Variants in CDH8 observed in about 807,000 individuals in gnomAD.
CDH8 encodes cadherin-8.
CDH8 carries 17 observed loss-of-function variants against 68.1 expected under a neutral mutation model. The observed-to-expected ratio is 0.25, with a 90% CI of 0.17 to 0.37. The LOEUF (loss-of-function observed/expected upper bound fraction) is 0.37, where lower values mean the gene tolerates loss of function less well. Among genes scored for constraint, CDH8 ranks in the 10% least tolerant of loss-of-function variants. CDH8 has a pLI of 1.00. For missense variants in CDH8, 763 were observed against 999.3 expected (o/e 0.76, Z 3.19); for synonymous variants, 372 against 365.1 (o/e 1.02, Z -0.21).
At position 61,901,489 on chromosome 16, in the gene CDH8, G is replaced by T. The variant is rs766078937; in HGVS notation, c.253-16C>A. 24 of 1,593,168 alleles carry T rather than the reference G, an allele frequency of 1.5e-5. No individual in the cohort carries two copies. The Admixed American group carries it at 4.0e-4, about 26-fold the overall frequency. The stretch of plus-strand genomic sequence containing the variant: ...CTGTGTGTAGCTGAAATGAAAAATG[G>T]CATTAGTTAGTGATGGAGCAATCTG... On this transcript the variant is annotated splice_polypyrimidine_tract_variant and intron_variant, in intron 2 of 11. Coordinates refer to ENST00000577390, the MANE Select transcript of CDH8 (RefSeq NM_001796.5).
intron 3 of CDH8, among the ~76,000 whole-genome samples, chr16:61,871,841 A>AAAAAAAAAAC: frequency 1.4e-5 from 2 of 147,252 alleles, no homozygotes; most frequent in Non-Finnish European, 1.5e-5. Flanking sequence ...AAAAAAAAAA[A>AAAAAAAAAAC]AAAAAACCCA....
intron 9 of CDH8, among the ~76,000 whole-genome samples, chr16:61,717,022 G>A (rs1055847614): frequency 2.6e-5 from 4 of 151,620 alleles, no homozygotes; most frequent in Non-Finnish European, 4.4e-5. Context: ...TGGAGACCAC[G>A]TAGGGTCCAC....
chr16:61,963,805 G>A (rs1965199367), intron 2 of CDH8, among the ~76,000 whole-genome samples: 2 of 152,110 alleles, frequency 1.3e-5, no homozygotes, highest in Admixed American at 1.3e-4. Flanking sequence ...TTCATTACTT[G>A]AGAATCTTCT....
intron 2 of CDH8, among the ~76,000 whole-genome samples, chr16:61,945,335 C>G (rs762932520): frequency 6.6e-6 from 1 of 150,638 alleles, no homozygotes; most frequent in African/African-American, 2.4e-5. Flanking sequence ...TCTTAAAAAA[C>G]GGTTATTACT....
chr16:61,836,865 C>A (rs764387369), intron 4 of CDH8, among the ~76,000 whole-genome samples: 1 of 151,972 alleles, frequency 6.6e-6, no homozygotes, highest in Non-Finnish European at 1.5e-5. Flanking sequence ...AAGTACTGAG[C>A]GGAGTTACAT....
chr16:61,697,744 G>C (rs1432924591), intron 10 of CDH8, among the ~76,000 whole-genome samples: 4 of 152,190 alleles, frequency 2.6e-5, no homozygotes, highest in African/African-American at 7.2e-5. Flanking sequence ...GCCCGCCTTA[G>C]CTTCTCAAAG....
At chr16:61,873,553 T>C (rs954108312) in intron 3 of CDH8, among the ~76,000 whole-genome samples, 3 of 152,226 alleles carry the variant, frequency 2.0e-5, no homozygotes, top group Non-Finnish European at 4.4e-5. Flanking sequence ...ATACAGACAG[T>C]CCCTGACTTA....
In CDH8 at chr16:62,032,928, T is replaced by G. The variant is rs76328808; in HGVS notation, c.-200+3152A>C. Among the ~76,000 whole-genome samples the G allele has an allele frequency of 3.0e-3, 463 of 152,332 alleles. 16 individuals are homozygous for G. The East Asian group carries it at 0.082, about 27-fold the overall frequency. On this transcript the variant is annotated intron_variant, in intron 1 of 11. Coordinates refer to ENST00000577390, the MANE Select transcript of CDH8 (RefSeq NM_001796.5). ...TCTGAACAGCTGTTGAAGTGTGGGT[T>G]TGAACTTTTTAATATGTGCATGTTC...
At chr16:61,670,390 A>C (rs1423394370) in intron 10 of CDH8, among the ~76,000 whole-genome samples, 2 of 152,094 alleles carry the variant, frequency 1.3e-5, no homozygotes, top group Non-Finnish European at 2.9e-5. Flanking sequence ...AATGAATATG[A>C]GAGGGTGAAT....
intron 9 of CDH8, among the ~76,000 whole-genome samples, chr16:61,719,118 T>C (rs1181265901): frequency 6.7e-6 from 1 of 148,368 alleles, no homozygotes; most frequent in East Asian, 2.0e-4. Context: ...ACATGTTTAA[T>C]GAGCTCACCA....
At chr16:61,844,768 C>T (rs1962768905) in intron 4 of CDH8, among the ~76,000 whole-genome samples, 1 of 152,102 alleles carries the variant, frequency 6.6e-6, no homozygotes, top group Non-Finnish European at 1.5e-5. Context: ...CTAACTATTA[C>T]AGGATAACTA....
intron 10 of CDH8, among the ~76,000 whole-genome samples, chr16:61,695,558 C>T (rs1473424540): frequency 6.6e-6 from 1 of 152,096 alleles, no homozygotes; most frequent in Non-Finnish European, 1.5e-5. Flanking sequence ...GGATGTTTAC[C>T]TGGTCTCTAA....
intron 8 of CDH8, among the ~76,000 whole-genome samples, chr16:61,779,625 G>A (rs1022914854): frequency 2.0e-5 from 3 of 152,110 alleles, no homozygotes; most frequent in East Asian, 3.9e-4. Context: ...GGTCTGCTTT[G>A]AAAAACAGCC....
chr16:61,766,472 A>T (rs1960594384), intron 8 of CDH8, among the ~76,000 whole-genome samples: 2 of 151,886 alleles, frequency 1.3e-5, no homozygotes, highest in Admixed American at 1.3e-4. Context: ...TGCCTTTTTG[A>T]TATAGTGACT....
chr16:61,669,348 A>G (rs893499085), intron 10 of CDH8, among the ~76,000 whole-genome samples: 3 of 151,988 alleles, frequency 2.0e-5, no homozygotes, highest in African/African-American at 7.2e-5. Flanking sequence ...GTCTTCCTCA[A>G]CACACATCCC....
At chr16:61,862,676 G>GA (rs532113350) in intron 3 of CDH8, among the ~76,000 whole-genome samples, 2 of 152,184 alleles carry the variant, frequency 1.3e-5, no homozygotes, top group Non-Finnish European at 2.9e-5. Flanking sequence ...GCCCATGGGG[G>GA]AAAAAATGGA....
At chr16:61,735,462 C>G (rs536610603) in intron 8 of CDH8, among the ~76,000 whole-genome samples, 11 of 152,104 alleles carry the variant, frequency 7.2e-5, no homozygotes, top group Non-Finnish European at 1.2e-4. Context: ...CCATAACTCT[C>G]TCCTGAGAAT....
chr16:61,843,569 T>A (rs1052751452), intron 4 of CDH8, among the ~76,000 whole-genome samples: 19 of 152,204 alleles, frequency 1.2e-4, no homozygotes, highest in African/African-American at 4.3e-4. Flanking sequence ...ACATACCAAG[T>A]TGTCTCCCCT....
At chr16:61,941,011 T>G (rs897266620) in intron 2 of CDH8, among the ~76,000 whole-genome samples, 2 of 152,370 alleles carry the variant, frequency 1.3e-5, no homozygotes, top group South Asian at 2.1e-4. Flanking sequence ...ATGAGCATAT[T>G]AATCTTGTAG....
Sources: allele counts gnomAD v4.1 joint callset (sites outside exome capture counted in the v4.1 genomes callset), GRCh38; gene constraint gnomAD v4.1.1; transcripts MANE v1.5; gene names NCBI Gene and HGNC (gene_info 2026-07-23, HGNC 2026-07-21).